The following PACS2 variants were observed in gnomAD, a reference collection of about 807,000 sequenced individuals.
PACS2 encodes the protein phosphofurin acidic cluster sorting protein 2.
A neutral mutation model predicts 113.0 loss-of-function variants in PACS2; 36 were observed. That is an observed-to-expected ratio of 0.32 (90% CI 0.24 to 0.42). PACS2 has a LOEUF of 0.42. PACS2 is among the 10% of genes least tolerant of loss of function. The pLI is 1.00. For synonymous variants in PACS2, 589 were observed against 536.1 expected (o/e 1.10, Z -1.36); for missense variants, 1,015 against 1,239.5 (o/e 0.82, Z 2.72).
intron 7 of PACS2, among the ~76,000 whole-genome samples, chr14:105,369,441 G>T (rs2061069604): frequency 6.6e-6 from 1 of 152,204 alleles, no homozygotes; most frequent in African/African-American, 2.4e-5. Flanking sequence ...CACCCACGGG[G>T]CTCAGGCTCT....
chr14:105,334,495 G>A (rs587749535), intron 1 of PACS2, among the ~76,000 whole-genome samples: 5 of 151,588 alleles, frequency 3.3e-5, no homozygotes, highest in Admixed American at 2.6e-4. Context: ...CAGTGTCTAC[G>A]TAGAGCTCCA....
chr14:105,331,996 C>G (rs997520400), intron 1 of PACS2, among the ~76,000 whole-genome samples: 1 of 152,230 alleles, frequency 6.6e-6, no homozygotes, highest in South Asian at 2.1e-4. Flanking sequence ...CTGCGATCAG[C>G]CTGCTCCTTG....
intron 1 of PACS2, among the ~76,000 whole-genome samples, chr14:105,345,431 A>G (rs1210642339): frequency 1.3e-5 from 2 of 152,182 alleles, no homozygotes; most frequent in African/African-American, 4.8e-5. Flanking sequence ...TGGAATCTTT[A>G]GATTGTGTAT....
rs371823339 is a variant in PACS2, at chr14:105,391,239, G to A, written c.2109G>A (p.Ser703=). The change falls in exon 21 of 25, where the codon TCG becomes TCA. Residue 703 remains serine, a synonymous_variant. Transcript: ENST00000447393. ...VVKVGIVEPS[S]ATSGDSDDAA... is the part of the protein sequence containing the mutation. ...AGGTTGGAATTGTGGAGCCATCCTC[G>A]GCCACATCAGGTAACCCCGTCCCAC... 3.5e-5 allele frequency: 56 copies of A among 1,612,508 alleles called. No homozygotes were observed. Among genetic ancestry groups the A allele is most frequent in the African/African-American group, 1.3e-4 (10 of 74,888 alleles).
chr14:105,300,949 G>A (rs1377530767), exon 1 of PACS2: 1 of 155,230 alleles, frequency 6.4e-6, no homozygotes, highest in African/African-American at 2.4e-5. Flanking sequence ...GCGGGGGCTG[G>A]GCTTCGGCGG....
In PACS2 at chr14:105,366,511, G is replaced by A. The variant is rs961889404; in HGVS notation, c.424-702G>A. 4.6e-5 allele frequency among the ~76,000 whole-genome samples: 7 copies of A among 152,220 alleles called. No individual in the cohort carries two copies. Among genetic ancestry groups the A allele is most frequent in the Non-Finnish European group, 7.3e-5 (5 of 68,034 alleles). On this transcript the variant is annotated intron_variant, in intron 4 of 24. Coordinates refer to ENST00000447393, the MANE Select transcript of PACS2 (RefSeq NM_001100913.3). This position sits in a 1 kb window ranked among gnomAD's most constrained non-coding sequence, Gnocchi z 4.3. Reference sequence around the variant, plus strand: ...TTCTGAGGCTGGCGTGGGGCACGGCGGGGCTGTGCCTGGGTACAGGTCGTG... The same window carrying A: ...TTCTGAGGCTGGCGTGGGGCACGGCAGGGCTGTGCCTGGGTACAGGTCGTG...
At chr14:105,303,181 G>A (rs2058088588) in intron 1 of PACS2, among the ~76,000 whole-genome samples, 1 of 152,102 alleles carries the variant, frequency 6.6e-6, no homozygotes. Flanking sequence ...CACCTGTCTT[G>A]GTCTCCCAAA....
intron 3 of PACS2, 23 bp downstream of exon 3, chr14:105,352,490 C>T (rs782107320): frequency 2.6e-5 from 38 of 1,444,382 alleles, no homozygotes; most frequent in South Asian, 2.3e-5. Flanking sequence ...CCAGTGGTGA[C>T]GACACCCTCA....
At chr14:105,301,265 C>T (rs941154872) in intron 1 of PACS2, 8 of 148,668 alleles carry the variant, frequency 5.4e-5, no homozygotes, top group African/African-American at 1.5e-4. Context: ...TGAGCGCGGT[C>T]TCCAGCGGCG....
At chr14:105,318,087 TTG>T (rs1450940088) in intron 1 of PACS2, among the ~76,000 whole-genome samples, 7 of 152,248 alleles carry the variant, frequency 4.6e-5, no homozygotes, top group Non-Finnish European at 1.0e-4. Context: ...GCTTTGTACC[TTG>T]CCCTTCCCAC....
chr14:105,335,807 GC>G (rs1397915460), intron 1 of PACS2, among the ~76,000 whole-genome samples: 1 of 152,238 alleles, frequency 6.6e-6, no homozygotes. Flanking sequence ...AGTGAGGCTG[GC>G]AAGAGCTGGC....
At position 105,354,131 on chromosome 14, in the gene PACS2, C is replaced by T. The variant is rs947753389; in HGVS notation, c.298-921C>T. ...AATAACGAGGGCAAAAAAACACTTA[C>T]TGAGTCAAGGCTATTTTGCTCTTCT... On this transcript the variant is annotated intron_variant, in intron 3 of 24. Coordinates refer to ENST00000447393, the MANE Select transcript of PACS2 (RefSeq NM_001100913.3). This position sits in a 1 kb window ranked among gnomAD's most constrained non-coding sequence, Gnocchi z 4.2. Among the ~76,000 whole-genome samples the T allele has an allele frequency of 5.9e-5, 9 of 152,012 alleles. No homozygotes were observed. Among genetic ancestry groups the T allele is most frequent in the Non-Finnish European group, 7.4e-5 (5 of 67,996 alleles).
intron 1 of PACS2, among the ~76,000 whole-genome samples, chr14:105,304,802 A>T (rs1053177773): frequency 1.3e-5 from 2 of 152,220 alleles, no homozygotes; most frequent in Non-Finnish European, 2.9e-5. Context: ...GGAGAGAGAG[A>T]GCTTCTGCAG....
chr14:105,384,778 G>A, intron 17 of PACS2, 101 bp from the exon 18 acceptor site: 1 of 771,778 alleles, frequency 1.3e-6, no homozygotes, highest in Non-Finnish European at 2.2e-6. Flanking sequence ...GCGCTTCGGG[G>A]TACGGGAGGC....
At chr14:105,352,766 G>A (rs1264474023) in intron 3 of PACS2, among the ~76,000 whole-genome samples, 1 of 132,348 alleles carries the variant, frequency 7.6e-6, no homozygotes, top group African/African-American at 3.0e-5. Context: ...ACTGTACCCT[G>A]GGGAGACAGG....
chr14:105,386,937 C>T (rs587725167), intron 19 of PACS2, among the ~76,000 whole-genome samples: 9 of 152,312 alleles, frequency 5.9e-5, no homozygotes, highest in East Asian at 1.9e-4. Flanking sequence ...TCTGGCCGCC[C>T]GGCCGCCGCA....
At chr14:105,364,695 CTT>C (rs1166883985) in intron 4 of PACS2, among the ~76,000 whole-genome samples, 4 of 126,068 alleles carry the variant, frequency 3.2e-5, no homozygotes, top group Admixed American at 7.9e-5. Context: ...ATTTTCTTTT[CTT>C]TTTTTTTTTT....
intron 1 of PACS2, among the ~76,000 whole-genome samples, chr14:105,332,348 C>A (rs2059333493): frequency 6.6e-6 from 1 of 152,198 alleles, no homozygotes; most frequent in African/African-American, 2.4e-5. Flanking sequence ...TAGTCCCAGA[C>A]CCACAACACG....
At chr14:105,314,668 G>C (rs1488764882), upstream of PACS2, 1 of 143,366 alleles carries the variant, frequency 7.0e-6, no homozygotes, top group East Asian at 2.1e-4. Context: ...GCGCGGGTCG[G>C]AGGGCGCCGG....
Sources: gnomAD v4.1 joint callset for allele counts (sites outside exome capture counted in the v4.1 genomes callset) on GRCh38, gnomAD v4.1.1 for gene constraint, Gnocchi (gnomAD v3.1) non-coding constraint, MANE v1.5 for transcripts, NCBI Gene and HGNC (gene_info 2026-07-23, HGNC 2026-07-21) for gene names.